Variants in MCTP2 observed in about 807,000 individuals in gnomAD.
MCTP2 encodes multiple C2 and transmembrane domain containing 2, also known as multiple C2 and transmembrane domain-containing protein 2.
Under a neutral mutation model 111.6 loss-of-function variants are expected in MCTP2, and 132 were observed. The ratio of observed to expected loss-of-function variants is 1.18; its 90% confidence interval spans 1.03 to 1.37. The LOEUF (loss-of-function observed/expected upper bound fraction) is 1.37, where lower values mean the gene tolerates loss of function less well. Among genes scored for constraint, MCTP2 ranks in the 40% most tolerant of loss-of-function variants. The pLI is 0.00. For missense variants in MCTP2, 1,183 were observed against 1,067.9 expected (o/e 1.11, Z -1.50); for synonymous variants, 395 against 387.7 (o/e 1.02, Z -0.22).
chr15:94,240,199 G>A (rs1388338964), intron 1 of MCTP2, among the ~76,000 whole-genome samples: 2 of 152,002 alleles, frequency 1.3e-5, no homozygotes, highest in Non-Finnish European at 2.9e-5. Context: ...CTACTCAGTG[G>A]TAGCATTATC....
At chr15:94,287,731 C>G (rs1485979202) in intron 1 of MCTP2, among the ~76,000 whole-genome samples, 2 of 152,204 alleles carry the variant, frequency 1.3e-5, no homozygotes, top group African/African-American at 2.4e-5. Context: ...AGATTGGCTC[C>G]TGCAGTTTCC....
intron 12 of MCTP2, among the ~76,000 whole-genome samples, chr15:94,371,564 C>T (rs1175989683): frequency 1.3e-5 from 2 of 152,142 alleles, no homozygotes; most frequent in Admixed American, 1.3e-4. Flanking sequence ...TTATGCCTTC[C>T]AGCATTTAAA....
intron 8 of MCTP2, among the ~76,000 whole-genome samples, chr15:94,349,033 C>T (rs11634342): frequency 0.45 from 68,281 of 151,622 alleles, 15,577 homozygotes; most frequent in African/African-American, 0.51. Flanking sequence ...TTTATCTACC[C>T]GTCTCTATCT....
chr15:94,418,040 C>T (rs77979393), intron 17 of MCTP2, among the ~76,000 whole-genome samples: 2 of 152,076 alleles, frequency 1.3e-5, no homozygotes, highest in African/African-American at 4.8e-5. Flanking sequence ...GATACACTTG[C>T]TTTATTACCC....
rs1388125314 is a variant in MCTP2, at chr15:94,458,116, TCTTG to T, written c.2251-17_2251-14del. ...TAAAAAATGAAGTAACTGAGTTAAA[TCTTG>T]CTTTTATGTTTTCTAGGAATCTGAG... On this transcript the variant is annotated splice_polypyrimidine_tract_variant and intron_variant, in intron 19 of 22. Transcript: ENST00000357742. The T allele has an allele frequency of 4.4e-6, 6 of 1,371,740 alleles. No homozygotes were observed. The highest frequency in any genetic ancestry group is 2.3e-5 in the East Asian group (1 of 43,800). 85.0% of individuals were successfully genotyped at this position (1,371,740 alleles called of 1,614,324 possible).
At chr15:94,386,502 T>TA (rs780543973) in intron 14 of MCTP2, among the ~76,000 whole-genome samples, 1 of 152,222 alleles carries the variant, frequency 6.6e-6, no homozygotes, top group Non-Finnish European at 1.5e-5. Context: ...CTCCCCGAGT[T>TA]CTCATATCCC....
At chr15:94,348,087 C>G (rs1402966822) in intron 8 of MCTP2, among the ~76,000 whole-genome samples, 1 of 152,094 alleles carries the variant, frequency 6.6e-6, no homozygotes, top group African/African-American at 2.4e-5. Flanking sequence ...ATTAATATGT[C>G]TGCTGTCTAA....
intron 11 of MCTP2, 50 bp from the exon 12 acceptor site, chr15:94,370,033 TTAAG>T: frequency 8.2e-7 from 1 of 1,218,762 alleles, no homozygotes; most frequent in South Asian, 1.3e-5. Flanking sequence ...CTTTATGACA[TTAAG>T]TAGTATATTA....
rs1258111180 is a variant in MCTP2 at position 94,244,188 on chromosome 15, ATGTT to A, written c.-66+12526_-66+12529del. 2.7e-5 allele frequency among the ~76,000 whole-genome samples: 4 copies of A among 146,734 alleles called. 1 individual carries two copies. Among genetic ancestry groups the A allele is most frequent in the African/African-American group, 1.0e-4 (4 of 39,400 alleles). On this transcript the variant is annotated intron_variant, in intron 1 of 22. Transcript: ENST00000357742. ...CGTGTATACACATACGTATGTGTAT[ATGTT>A]TATATACACGTGTATACACATACAT...
chr15:94,464,059 G>A (rs2085373379), intron 20 of MCTP2, among the ~76,000 whole-genome samples: 1 of 150,776 alleles, frequency 6.6e-6, no homozygotes, highest in South Asian at 2.1e-4. Context: ...GTGGCTAGAA[G>A]TTTATTCTAA....
intron 1 of MCTP2, among the ~76,000 whole-genome samples, chr15:94,233,600 A>C (rs2070342436): frequency 6.6e-6 from 1 of 152,138 alleles, no homozygotes; most frequent in East Asian, 1.9e-4. Context: ...GTGCTCACAC[A>C]CGAATATATA....
intron 1 of MCTP2, among the ~76,000 whole-genome samples, chr15:94,275,178 A>G (rs995853263): frequency 1.3e-5 from 2 of 152,230 alleles, no homozygotes; most frequent in Non-Finnish European, 2.9e-5. Context: ...TATTTATCTT[A>G]GAAAGTCTAC....
At chr15:94,279,017 T>C (rs943427076) in intron 1 of MCTP2, among the ~76,000 whole-genome samples, 16 of 152,200 alleles carry the variant, frequency 1.1e-4, no homozygotes, top group African/African-American at 3.9e-4. Flanking sequence ...ACAGTTGCTA[T>C]AGCCTTGCAG....
At chr15:94,476,636 ATAGATAGATAGATAG>A in intron 21 of MCTP2, 45 bp from the exon 22 acceptor site, 4 of 865,676 alleles carry the variant, frequency 4.6e-6, no homozygotes, top group Non-Finnish European at 7.8e-6. Flanking sequence ...AGATAGATAG[ATAGATAGATAGATAG>A]ACAGACAGAC....
intron 10 of MCTP2, among the ~76,000 whole-genome samples, chr15:94,364,772 G>A (rs920769618): frequency 2.0e-5 from 3 of 152,182 alleles, no homozygotes; most frequent in Non-Finnish European, 2.9e-5. Flanking sequence ...CTCTTACTAG[G>A]TTGGGGTTAA....
intron 21 of MCTP2, among the ~76,000 whole-genome samples, chr15:94,474,558 C>A (rs1567793279): frequency 6.6e-6 from 1 of 152,088 alleles, no homozygotes; most frequent in African/African-American, 2.4e-5. Context: ...TTTCTTGTCC[C>A]TTAAAGAATG....
intron 16 of MCTP2, among the ~76,000 whole-genome samples, chr15:94,401,019 C>T (rs190433719): frequency 9.9e-5 from 15 of 152,056 alleles, no homozygotes; most frequent in South Asian, 2.1e-4. Flanking sequence ...AAGTTAAAAC[C>T]TGGGTTGAGG....
intron 12 of MCTP2, among the ~76,000 whole-genome samples, chr15:94,372,304 GGTCTTCGTTTTTAGAACTAA>G (rs2079531935): frequency 6.6e-6 from 1 of 152,174 alleles, no homozygotes; most frequent in Non-Finnish European, 1.5e-5. Flanking sequence ...AGACCATAAT[GGTCTTCGTTTTTAGAACTAA>G]GTCTCACAGT....
chr15:94,442,122 G>A (rs2083818184), intron 18 of MCTP2, among the ~76,000 whole-genome samples: 1 of 152,220 alleles, frequency 6.6e-6, no homozygotes. Flanking sequence ...ACCTTTGCAA[G>A]GTTAAGCAGA....
Sources: allele counts gnomAD v4.1 joint callset (sites outside exome capture counted in the v4.1 genomes callset), GRCh38; gene constraint gnomAD v4.1.1; transcripts MANE v1.5; gene names NCBI Gene and HGNC (gene_info 2026-07-23, HGNC 2026-07-21).